The following USH2A variants were observed in gnomAD, a reference collection of about 807,000 sequenced individuals.
The protein encoded by USH2A is Usher syndrome 2A (autosomal recessive, mild).
In USH2A, 443 loss-of-function variants were observed where a neutral mutation model predicts 538.9. The observed-to-expected ratio is 0.82, with a 90% confidence interval of 0.76 to 0.89. USH2A has a LOEUF of 0.89. Ranked by LOEUF, USH2A falls within the 40% of genes least tolerant of loss-of-function variation. The pLI is 0.00. For synonymous variants in USH2A, 2,413 were observed against 2,273.5 expected, an observed-to-expected ratio of 1.06 and a Z score of -1.75; for missense variants, 6,633 against 6,324.8, an observed-to-expected ratio of 1.05 and a Z score of -1.65.
chr1:216,392,237 A>G (rs2039122789), intron 3 of USH2A, among the ~76,000 whole-genome samples: 1 of 152,040 alleles, frequency 6.6e-6, no homozygotes. Context: ...GGTGGCTCAC[A>G]CCTGTAATCC....
At position 215,786,690 on chromosome 1, in the gene USH2A, A is replaced by G. The variant is rs531543964; in HGVS notation, c.10367T>C (p.Val3456Ala). 6.2e-7 allele frequency: 1 copy of G among 1,614,016 alleles called. No individual in the cohort carries two copies. The highest frequency in any genetic ancestry group is 8.5e-7 in the Non-Finnish European group (1 of 1,179,922). ...SAEETIHTGS[V>A]NTYSYTDVNL... is the part of the protein sequence containing the mutation. ...GTTACCTGTGTAAGAGTACGTGTTT[A>G]CACTCCCTGTATGAATGGTTTCTTC... The change falls in exon 52 of 72, where the codon GTA becomes GCA. Residue 3456 changes from valine to alanine, a missense_variant. Physicochemically the swap from Val to Ala is moderately conservative, Grantham distance 64. Transcript: ENST00000307340.
In USH2A at chr1:215,675,300, G is replaced by A. The variant is rs753558452; in HGVS notation, c.12611C>T (p.Thr4204Ile). 7.4e-5 allele frequency: 119 copies of A among 1,613,912 alleles called. No homozygotes were observed. Among genetic ancestry groups the A allele is most frequent in the Non-Finnish European group, 8.4e-5 (99 of 1,180,032 alleles). ...AACAATTTTCTCGTCGGCCTGGATT[G>A]TCTGATTTCCCCAAGCTTTTCCCTC... ...CFEGKAWGNQ[T>I]IQADEKIVFT... The change falls in exon 63 of 72, where the codon ACA (threonine) becomes ATA (isoleucine). Residue 4204 changes from threonine to isoleucine, a missense_variant. Transcript: ENST00000307340.
Position 216,321,914 on chromosome 1 carries a change from C to G in USH2A, c.1613G>C (p.Cys538Ser). 6.2e-7 allele frequency: 1 copy of G among 1,613,824 alleles called. No individual in the cohort carries two copies. Among genetic ancestry groups the G allele is most frequent in the Non-Finnish European group, 8.5e-7 (1 of 1,179,874 alleles). Residue 538 changes from cysteine to serine, a missense_variant, in exon 9 of 72, where the codon TGC becomes TCC. By Grantham distance (112) the Cys-to-Ser change is moderately radical. Transcript: ENST00000307340. The part of the protein sequence containing the change: ...DTTSQPYRCL[C>S]SQESFTEGLH... ...TCCTTCAGTGAAGCTCTCCTGGGAG[C>G]AGAGGCATCTATATGGCTGGCTTGT...
intron 32 of USH2A, among the ~76,000 whole-genome samples, chr1:216,010,944 A>C (rs1049905365): frequency 5.4e-4 from 82 of 151,872 alleles, no homozygotes; most frequent in Non-Finnish European, 5.9e-4. Flanking sequence ...GCGCCCCTTA[A>C]CATCTCATTA....
chr1:216,036,884 GA>G, intron 32 of USH2A, among the ~76,000 whole-genome samples: 1 of 151,870 alleles, frequency 6.6e-6, no homozygotes. Flanking sequence ...ATATCTCTAA[GA>G]AAAAGACAGT....
intron 32 of USH2A, among the ~76,000 whole-genome samples, chr1:216,027,615 G>T (rs1243897306): frequency 6.6e-6 from 1 of 152,122 alleles, no homozygotes; most frequent in Non-Finnish European, 1.5e-5. Context: ...TGACTTGGAA[G>T]AAATGGCCCC....
intron 21 of USH2A, among the ~76,000 whole-genome samples, chr1:216,163,726 C>T (rs2034112001): frequency 6.6e-6 from 1 of 151,444 alleles, no homozygotes; most frequent in African/African-American, 2.4e-5. Context: ...TCTAGGATTT[C>T]AATTGAAAAC....
chr1:216,317,943 A>T (rs2037539570), intron 9 of USH2A, among the ~76,000 whole-genome samples: 1 of 152,194 alleles, frequency 6.6e-6, no homozygotes. Flanking sequence ...CTGTTTAAAC[A>T]CTGTTTCTAC....
chr1:215,852,696 C>G (rs1375649728), intron 44 of USH2A, among the ~76,000 whole-genome samples: 2 of 152,140 alleles, frequency 1.3e-5, no homozygotes, highest in Non-Finnish European at 2.9e-5. Context: ...TACAGCTGTT[C>G]CAAATGGGAG....
chr1:216,125,369 G>A (rs550708278), intron 21 of USH2A, among the ~76,000 whole-genome samples: 37 of 152,012 alleles, frequency 2.4e-4, no homozygotes, highest in Admixed American at 1.1e-3. Context: ...CCTGCCTCTC[G>A]TGCTATAAGG....
At chr1:216,067,960 C>T (rs958046495) in intron 30 of USH2A, among the ~76,000 whole-genome samples, 4 of 152,054 alleles carry the variant, frequency 2.6e-5, no homozygotes, top group Non-Finnish European at 5.9e-5. Flanking sequence ...AGTTCTAAAT[C>T]CTGAGACTCT....
intron 20 of USH2A, among the ~76,000 whole-genome samples, chr1:216,189,260 T>C (rs2034668693): frequency 6.6e-6 from 1 of 152,058 alleles, no homozygotes; most frequent in Admixed American, 6.6e-5. Flanking sequence ...AGCAATTTTT[T>C]CCAGAACCAG....
At chr1:215,836,617 C>T (rs191998932) in intron 47 of USH2A, among the ~76,000 whole-genome samples, 1,885 of 112,118 alleles carry the variant, frequency 0.017, 84 homozygotes, top group African/African-American at 0.058. Flanking sequence ...AGTGCAGTGG[C>T]GTGATCTCGG....
intron 11 of USH2A, among the ~76,000 whole-genome samples, chr1:216,260,470 C>T (rs565844300): frequency 6.6e-6 from 1 of 152,210 alleles, no homozygotes; most frequent in South Asian, 2.1e-4. Flanking sequence ...TTCTGGTTGT[C>T]CCAGTGAGGG....
intron 41 of USH2A, among the ~76,000 whole-genome samples, chr1:215,885,039 A>G (rs953570214): frequency 6.6e-6 from 1 of 151,766 alleles, no homozygotes; most frequent in East Asian, 1.9e-4. Context: ...TTTTTGGTGC[A>G]TCATAGTCAT....
chr1:215,647,711 C>T lies in USH2A; in HGVS notation c.14602G>A (p.Val4868Met), dbSNP rs727504686. ...VIHSYELQFH[V>M]ACPPDSALPC... Reference sequence around the variant, plus strand: ...AGGGCTGAGTCAGGAGGGCAAGCCACGTGGAATTGGAGTTCATAGCTAAAA... The same window carrying T: ...AGGGCTGAGTCAGGAGGGCAAGCCATGTGGAATTGGAGTTCATAGCTAAAA... The change falls in exon 67 of 72, where the codon GTG (valine) becomes ATG (methionine). Residue 4868 changes from valine (V) to methionine (M), a missense_variant. Transcript: ENST00000307340. The T allele has an allele frequency of 1.8e-5, 29 of 1,613,960 alleles. No individual in the cohort carries two copies. The Middle Eastern group carries it at 8.2e-4, about 46-fold the overall frequency.
At chr1:215,999,482 G>T (rs909105000) in intron 33 of USH2A, among the ~76,000 whole-genome samples, 1 of 152,098 alleles carries the variant, frequency 6.6e-6, no homozygotes, top group African/African-American at 2.4e-5. Context: ...ATGACTGGAA[G>T]GGCTGAAAAA....
intron 4 of USH2A, among the ~76,000 whole-genome samples, chr1:216,362,412 GGGT>G (rs2102705222): frequency 6.6e-6 from 1 of 152,008 alleles, no homozygotes; most frequent in African/African-American, 2.4e-5. Flanking sequence ...GGAATGTCAA[GGGT>G]GAAAAAAAAG....
At position 215,982,802 on chromosome 1, in the gene USH2A, T is replaced by C. The variant is rs573204950; in HGVS notation, c.6805+10218A>G. On this transcript the variant is annotated intron_variant, in intron 35 of 71. Coordinates refer to ENST00000307340, the MANE Select transcript of USH2A (RefSeq NM_206933.4). The stretch of plus-strand genomic sequence containing the variant: ...TAAGCGAAAGAACAGACATTAGAGG[T>C]ATTATGAGGATGTAAAGTTTACTTT... Among the ~76,000 whole-genome samples the C allele has an allele frequency of 1.4e-4, 21 of 152,142 alleles. 1 individual carries two copies. In the South Asian group the frequency reaches 4.4e-3, roughly 32 times the overall value.
Sources: gnomAD v4.1 joint callset for allele counts (sites outside exome capture counted in the v4.1 genomes callset) on GRCh38, gnomAD v4.1.1 for gene constraint, MANE v1.5 for transcripts, NCBI Gene and HGNC (gene_info 2026-07-23, HGNC 2026-07-21) for gene names.